The following ARV1 variants were observed in gnomAD, a reference collection of about 807,000 sequenced individuals.
ARV1 encodes ARV1 fatty acid homeostasis modulator, also known as protein ARV1.
ARV1 carries 26 observed loss-of-function variants against 31.1 expected under a neutral mutation model. The ratio of observed to expected loss-of-function variants is 0.84; its 90% confidence interval spans 0.61 to 1.16. ARV1 has a LOEUF of 1.16. ARV1 is among the 50% of genes most tolerant of loss of function. ARV1 has a pLI of 0.00. For missense variants in ARV1, 281 were observed against 324.9 expected, an observed-to-expected ratio of 0.86 and a Z score of 1.04; for synonymous variants, 117 against 123.2, an observed-to-expected ratio of 0.95 and a Z score of 0.34.
At chr1:230,990,561 T>C in intron 3 of ARV1, 1 of 266,156 alleles carries the variant, frequency 3.8e-6, no homozygotes, top group Non-Finnish European at 7.1e-6. Context: ...TTTTTATTAT[T>C]ATATATTTTT....
chr1:230,989,923 A>G (rs1255409038), intron 2 of ARV1, among the ~76,000 whole-genome samples, 187 bp from the exon 3 acceptor site: 1 of 152,204 alleles, frequency 6.6e-6, no homozygotes, highest in Non-Finnish European at 1.5e-5. Flanking sequence ...AAATCTCCCC[A>G]TGTGCTTCTG....
intron 3 of ARV1, chr1:230,990,550 A>C: frequency 3.7e-6 from 1 of 271,406 alleles, no homozygotes; most frequent in South Asian, 4.8e-5. Context: ...AAATTCTTTT[A>C]TTTTTATTAT....
At chr1:230,980,928 C>T (rs1245321164) in intron 1 of ARV1, among the ~76,000 whole-genome samples, 1 of 152,128 alleles carries the variant, frequency 6.6e-6, no homozygotes, top group African/African-American at 2.4e-5. Context: ...AGTCACATTC[C>T]CACCCGCATT....
chr1:230,993,579 C>G (rs951620608), intron 3 of ARV1, among the ~76,000 whole-genome samples: 1 of 151,984 alleles, frequency 6.6e-6, no homozygotes, highest in Non-Finnish European at 1.5e-5. Context: ...TAGTCTAATC[C>G]CTAATTAGAC....
Position 230,988,424 on chromosome 1 carries a change from C to T in ARV1, c.279C>T (p.Phe93=), listed in dbSNP as rs776148030. The part of the protein sequence containing the change: ...CKAQAYRHIL[F]NTQINIHGKL... ...CTCAGGCCTACAGACATATTCTTTT[C>T]AATACTCAAATAAATGTAAGTTGTG... The change falls in exon 2 of 6, where the codon TTC becomes TTT. Residue 93 remains phenylalanine (F), a synonymous_variant. Transcript: ENST00000310256. 1 of 1,558,206 alleles carries T rather than the reference C, an allele frequency of 6.4e-7. No homozygotes were observed. Among genetic ancestry groups the T allele is most frequent in the African/African-American group, 1.4e-5 (1 of 73,100 alleles).
At chr1:230,994,499 C>G (rs936926700) in intron 3 of ARV1, among the ~76,000 whole-genome samples, 3 of 151,460 alleles carry the variant, frequency 2.0e-5, no homozygotes, top group Non-Finnish European at 4.4e-5. Context: ...GCATGTCTCC[C>G]TTGAAGAATA....
intron 1 of ARV1, among the ~76,000 whole-genome samples, chr1:230,980,197 C>A (rs1678824795): frequency 6.6e-6 from 1 of 152,148 alleles, no homozygotes; most frequent in Admixed American, 6.5e-5. Flanking sequence ...AAATGTCAAC[C>A]CTTGTTAAAT....
Position 230,995,767 on chromosome 1 carries a change from TG to T in ARV1, c.457del (p.Ala153ProfsTer12). On this transcript the variant is annotated frameshift_variant, in exon 4 of 6. Transcript: ENST00000310256. LOFTEE classifies it high-confidence loss of function. ...MFAIAALEQT[A>X]YFIGIFTFLW... is the part of the protein sequence containing the mutation. ...TTTCCATTTCTTCTTTAGAACAAAC[TG>T]CCTATTTTATTGGCATTTTTACCTT... 1 of 1,612,058 alleles carries T rather than the reference TG, an allele frequency of 6.2e-7. No individual in the cohort carries two copies. Among genetic ancestry groups the T allele is most frequent in the Non-Finnish European group, 8.5e-7 (1 of 1,178,768 alleles).
At chr1:230,993,911 ATC>A (rs1679295266) in intron 3 of ARV1, among the ~76,000 whole-genome samples, 1 of 152,196 alleles carries the variant, frequency 6.6e-6, no homozygotes, top group Admixed American at 6.5e-5. Context: ...CTAAAAGAAT[ATC>A]TTACATAAAT....
chr1:230,990,289 C>A, intron 3 of ARV1, 26 bp downstream of exon 3: 1 of 1,610,508 alleles, frequency 6.2e-7, no homozygotes, highest in South Asian at 1.1e-5. Context: ...GCTTTCCATT[C>A]TTAGTTAACT....
rs143968927 is a variant in ARV1, at chr1:230,986,788, C to T, written c.175-1532C>T. On this transcript the variant is annotated intron_variant, in intron 1 of 5. Coordinates refer to ENST00000310256, the MANE Select transcript of ARV1 (RefSeq NM_022786.3). ...CTGGCTTCAAGCGATCCTCTCACCT[C>T]GGACTCCCAAAGTGCTGGTATCACA... Among the ~76,000 whole-genome samples the T allele has an allele frequency of 8.7e-4, 125 of 143,902 alleles. 3 individuals are homozygous for T. The East Asian group carries it at 0.019, about 22-fold the overall frequency. The allele number at this position is 143,902 out of a possible 152,430, so 94.4% of individuals were successfully genotyped here. A position where few individuals can be genotyped will look rare whatever the true frequency, so the allele number is the denominator to read the frequency against.
intron 1 of ARV1, chr1:230,979,584 A>G (rs1451936211): frequency 2.8e-6 from 1 of 351,060 alleles, no homozygotes; most frequent in African/African-American, 2.2e-5. Flanking sequence ...GTTCATGCCA[A>G]AGCTACTTCC....
chr1:230,992,388 T>A (rs1272107662), intron 3 of ARV1, among the ~76,000 whole-genome samples: 1 of 152,094 alleles, frequency 6.6e-6, no homozygotes, highest in Non-Finnish European at 1.5e-5. Flanking sequence ...CCCTCAAGAG[T>A]TGGCTAAAAT....
chr1:230,992,958 AAAG>A (rs1679266163), intron 3 of ARV1, among the ~76,000 whole-genome samples: 1 of 152,250 alleles, frequency 6.6e-6, no homozygotes, highest in African/African-American at 2.4e-5. Context: ...GAAATATACA[AAAG>A]AATATGTTAA....
chr1:230,981,068 A>G (rs1678898712), intron 1 of ARV1, among the ~76,000 whole-genome samples: 1 of 152,154 alleles, frequency 6.6e-6, no homozygotes, highest in African/African-American at 2.4e-5. Context: ...TGCGCTTCCC[A>G]GGATTCAGTG....
intron 3 of ARV1, 67 bp from the exon 4 acceptor site, chr1:230,995,689 GTTTA>G (rs1162086764): frequency 2.6e-6 from 3 of 1,166,512 alleles, no homozygotes; most frequent in African/African-American, 3.1e-5. Flanking sequence ...TAGAATGGTG[GTTTA>G]TTTGTTTTTA....
rs6658417 is a variant in ARV1, at chr1:230,991,449, A to G, written c.448+1186A>G. Among the ~76,000 whole-genome samples, 656 of 152,072 alleles carry G rather than the reference A, an allele frequency of 4.3e-3. 2 individuals are homozygous for G. Among genetic ancestry groups the G allele is most frequent in the African/African-American group, 0.014 (582 of 41,472 alleles). Reference sequence around the variant, plus strand: ...ACTTGGATATCTAATAAATCACCATACCCATAATTGAGCTCCTCATCTCTC... The same window carrying G: ...ACTTGGATATCTAATAAATCACCATGCCCATAATTGAGCTCCTCATCTCTC... On this transcript the variant is annotated intron_variant, in intron 3 of 5. Transcript: ENST00000310256.
chr1:230,979,702 T>A (rs1678783805), intron 1 of ARV1, among the ~76,000 whole-genome samples: 1 of 152,180 alleles, frequency 6.6e-6, no homozygotes, highest in South Asian at 2.1e-4. Flanking sequence ...TTGTCGTTAT[T>A]GGATGTCTAC....
At chr1:230,988,089 A>C (rs1171980614) in intron 1 of ARV1, among the ~76,000 whole-genome samples, 3 of 152,254 alleles carry the variant, frequency 2.0e-5, no homozygotes. Flanking sequence ...AGCTTCTTGA[A>C]TATGACGTTA....
Sources: allele counts gnomAD v4.1 joint callset (sites outside exome capture counted in the v4.1 genomes callset), GRCh38; gene constraint gnomAD v4.1.1; transcripts MANE v1.5; gene names NCBI Gene and HGNC (gene_info 2026-07-23, HGNC 2026-07-21).